SCN1A: variants seen among roughly 807,000 people sequenced by gnomAD.
SCN1A encodes the protein sodium channel protein type 1 subunit alpha.
SCN1A carries 13 observed loss-of-function variants against 193.7 expected under a neutral mutation model. The observed-to-expected ratio is 0.07, with a 90% CI of 0.04 to 0.11. SCN1A has a LOEUF of 0.11. Among genes scored for constraint, SCN1A ranks in the 10% least tolerant of loss-of-function variants. SCN1A has a pLI of 1.00. For synonymous variants in SCN1A, 781 were observed against 843.6 expected (o/e 0.93, Z 1.29); for missense variants, 1,432 against 2,451.1 (o/e 0.58, Z 8.78).
At chr2:166,106,257 A>G (rs1688680741) in intron 2 of SCN1A, among the ~76,000 whole-genome samples, 1 of 152,210 alleles carries the variant, frequency 6.6e-6, no homozygotes, top group Non-Finnish European at 1.5e-5. Context: ...AAAGTTTAAT[A>G]TATGAAGAAT....
chr2:166,098,323 C>T (rs1687625863), intron 2 of SCN1A, among the ~76,000 whole-genome samples: 2 of 152,132 alleles, frequency 1.3e-5, no homozygotes, highest in African/African-American at 4.8e-5. Context: ...AATTCAACAT[C>T]TCTTCATGTT....
At chr2:166,120,543 T>C (rs1690434557) in intron 2 of SCN1A, among the ~76,000 whole-genome samples, 1 of 151,242 alleles carries the variant, frequency 6.6e-6, no homozygotes, top group Non-Finnish European at 1.5e-5. Flanking sequence ...TATTTAGCCA[T>C]TCTTTCAACC....
chr2:166,017,370 T>A (rs1001269962), intron 19 of SCN1A, among the ~76,000 whole-genome samples: 2 of 152,146 alleles, frequency 1.3e-5, no homozygotes, highest in Admixed American at 6.6e-5. Context: ...ATTGGTTTCT[T>A]CCTCTGACAA....
intron 2 of SCN1A, among the ~76,000 whole-genome samples, chr2:166,115,520 A>T (rs1247780750): frequency 6.6e-6 from 1 of 152,228 alleles, no homozygotes; most frequent in Non-Finnish European, 1.5e-5. Flanking sequence ...AGTATATATA[A>T]GTAGTTCAAT....
chr2:166,009,964 T>A, intron 22 of SCN1A, 123 bp from the exon 23 acceptor site: 1 of 859,454 alleles, frequency 1.2e-6, no homozygotes, highest in Non-Finnish European at 1.8e-6. Flanking sequence ...TCAGACATTT[T>A]CAGTAAACCT....
intron 24 of SCN1A, among the ~76,000 whole-genome samples, chr2:166,002,048 T>TTAA (rs1385900356): frequency 6.6e-6 from 1 of 151,614 alleles, no homozygotes; most frequent in African/African-American, 2.4e-5. Flanking sequence ...TCCCTACCAA[T>TTAA]TAATTACAAT....
At chr2:166,144,955 G>A (rs1171772839) in intron 1 of SCN1A, among the ~76,000 whole-genome samples, 2 of 150,944 alleles carry the variant, frequency 1.3e-5, no homozygotes, top group African/African-American at 2.4e-5. Context: ...GGGTTCAAGC[G>A]ATTCTCCTGC....
intron 19 of SCN1A, among the ~76,000 whole-genome samples, chr2:166,026,842 C>G (rs1437625269): frequency 6.6e-6 from 1 of 151,678 alleles, no homozygotes; most frequent in Non-Finnish European, 1.5e-5. Context: ...CACCACTGCA[C>G]CCGGCTAATT....
Position 166,051,732 on chromosome 2 carries a change from A to G in SCN1A, c.951T>C (p.Tyr317=). 1 of 1,600,004 alleles carries G rather than the reference A, an allele frequency of 6.2e-7. No individual in the cohort carries two copies. The highest frequency in any genetic ancestry group is 1.3e-5 in the African/African-American group (1 of 74,694). The change falls in exon 9 of 29, where the codon TAT becomes TAC. Residue 317 remains tyrosine, a synonymous_variant. Transcript: ENST00000674923. ...ETVFEFDWKS[Y]IQDSRYHYFL... ...AATAATTCTTACTTGAATCTTGAAT[A>G]TATGACTTCCAGTCAAACTCAAAGA...
intron 2 of SCN1A, among the ~76,000 whole-genome samples, chr2:166,085,486 C>G (rs775484375): frequency 3.3e-5 from 5 of 152,048 alleles, no homozygotes; most frequent in Non-Finnish European, 7.4e-5. Flanking sequence ...CTCTTCTGCT[C>G]AAAAGCATTC....
intron 19 of SCN1A, among the ~76,000 whole-genome samples, chr2:166,032,867 A>G (rs935202491): frequency 1.3e-5 from 2 of 152,176 alleles, no homozygotes; most frequent in Non-Finnish European, 2.9e-5. Flanking sequence ...ACTCAAGTGA[A>G]TCTTGAATCT....
chr2:166,082,767 G>A (rs17744701), intron 2 of SCN1A, among the ~76,000 whole-genome samples: 34,405 of 151,884 alleles, frequency 0.23, 3,977 homozygotes, highest in Middle Eastern at 0.4. Flanking sequence ...CAATATAGTT[G>A]TGCAACATTT....
intron 2 of SCN1A, among the ~76,000 whole-genome samples, chr2:166,091,753 C>T (rs565771347): frequency 3.9e-5 from 6 of 152,292 alleles, no homozygotes; most frequent in African/African-American, 1.2e-4. Context: ...ATCAACTAAA[C>T]GTCTTGTGCT....
intron 4 of SCN1A, among the ~76,000 whole-genome samples, chr2:166,059,240 T>C (rs1485477585): frequency 6.6e-6 from 1 of 152,160 alleles, no homozygotes; most frequent in East Asian, 1.9e-4. Flanking sequence ...ACTCTTGGGT[T>C]AGATGGATGT....
chr2:166,018,745 A>G (rs1329480831), intron 19 of SCN1A, among the ~76,000 whole-genome samples: 1 of 152,110 alleles, frequency 6.6e-6, no homozygotes, highest in South Asian at 2.1e-4. Context: ...AAATTGAACA[A>G]TATAAGAGTT....
intron 8 of SCN1A, 91 bp downstream of exon 8, chr2:166,052,761 G>A: frequency 1.9e-6 from 2 of 1,069,990 alleles, no homozygotes; most frequent in Non-Finnish European, 1.4e-6. Flanking sequence ...CTAGTCTTAT[G>A]ATTCCTGATT....
chr2:166,134,921 T>A (rs1367969798), intron 1 of SCN1A, among the ~76,000 whole-genome samples: 1 of 152,156 alleles, frequency 6.6e-6, no homozygotes, highest in Non-Finnish European at 1.5e-5. Flanking sequence ...CCATATCTAT[T>A]GCCACAGGAG....
chr2:166,005,890 G>T (rs544151686), intron 23 of SCN1A, among the ~76,000 whole-genome samples: 1 of 151,386 alleles, frequency 6.6e-6, no homozygotes, highest in East Asian at 2.0e-4. Flanking sequence ...AATTAATACT[G>T]TACTAGAGGT....
intron 2 of SCN1A, among the ~76,000 whole-genome samples, chr2:166,107,944 G>T (rs1197105425): frequency 6.6e-6 from 1 of 152,012 alleles, no homozygotes; most frequent in Non-Finnish European, 1.5e-5. Flanking sequence ...AGAGAACATT[G>T]ATAAATTGTA....
Sources: allele counts gnomAD v4.1 joint callset (sites outside exome capture counted in the v4.1 genomes callset), GRCh38; gene constraint gnomAD v4.1.1; transcripts MANE v1.5; gene names NCBI Gene and HGNC (gene_info 2026-07-23, HGNC 2026-07-21).